The following FAM168A variants were observed in gnomAD, a reference collection of about 807,000 sequenced individuals.
FAM168A encodes the protein protein FAM168A.
FAM168A carries 3 observed loss-of-function variants against 28.5 expected under a neutral mutation model. That is an observed-to-expected ratio of 0.11 (90% confidence interval 0.05 to 0.27). The LOEUF is 0.27. FAM168A is among the 10% of genes least tolerant of loss of function. FAM168A has a pLI of 1.00. For synonymous variants in FAM168A, 122 were observed against 124.2 expected (o/e 0.98, Z 0.12); for missense variants, 222 against 311.5 (o/e 0.71, Z 2.16).
chr11:73,560,070 T>C (rs940242594), intron 1 of FAM168A, among the ~76,000 whole-genome samples: 2 of 152,036 alleles, frequency 1.3e-5, no homozygotes, highest in Middle Eastern at 3.2e-3. Context: ...TTTTTTCTTG[T>C]TGTTGTTTTC....
chr11:73,455,308 C>A (rs1867510171), intron 2 of FAM168A, among the ~76,000 whole-genome samples: 1 of 152,222 alleles, frequency 6.6e-6, no homozygotes, highest in African/African-American at 2.4e-5. Context: ...GCTCTAGTTC[C>A]TGCACTGGTT....
intron 1 of FAM168A, among the ~76,000 whole-genome samples, chr11:73,516,413 ATTG>A (rs1404980929): frequency 6.6e-6 from 1 of 152,212 alleles, no homozygotes; most frequent in African/African-American, 2.4e-5. Context: ...ATAAACTGAG[ATTG>A]TTAACAACAC....
intron 1 of FAM168A, among the ~76,000 whole-genome samples, chr11:73,582,152 T>TAG (rs1565307768): frequency 6.6e-6 from 1 of 152,182 alleles, no homozygotes; most frequent in Non-Finnish European, 1.5e-5. Flanking sequence ...AAATAATGCA[T>TAG]AGATGCATAA....
intron 1 of FAM168A, among the ~76,000 whole-genome samples, chr11:73,494,311 C>T (rs1294966398): frequency 1.3e-5 from 2 of 152,156 alleles, no homozygotes; most frequent in African/African-American, 4.8e-5. Context: ...CCTCAGGCCC[C>T]TAGAGTCCCA....
At chr11:73,511,714 T>C (rs1346639618) in intron 1 of FAM168A, among the ~76,000 whole-genome samples, 3 of 152,172 alleles carry the variant, frequency 2.0e-5, no homozygotes, top group African/African-American at 7.2e-5. Context: ...AGCTCAACTA[T>C]TTAATATCTA....
intron 4 of FAM168A, among the ~76,000 whole-genome samples, chr11:73,416,274 C>T (rs925232271): frequency 3.3e-5 from 5 of 152,178 alleles, no homozygotes; most frequent in Admixed American, 6.5e-5. Context: ...ACCTTTTCAG[C>T]GCTTTCTGCA....
chr11:73,562,626 A>G (rs189343838), intron 1 of FAM168A, among the ~76,000 whole-genome samples: 499 of 152,284 alleles, frequency 3.3e-3, no homozygotes, highest in Middle Eastern at 0.01. Context: ...GAGGAGATCA[A>G]GATCAACCTG....
intron 1 of FAM168A, among the ~76,000 whole-genome samples, chr11:73,489,587 T>A (rs1358038722): frequency 6.6e-6 from 1 of 150,688 alleles, no homozygotes; most frequent in African/African-American, 2.5e-5. Flanking sequence ...CACGGCTCAC[T>A]GTATCCTCAA....
At chr11:73,569,047 G>A (rs1301623861) in intron 1 of FAM168A, among the ~76,000 whole-genome samples, 1 of 152,116 alleles carries the variant, frequency 6.6e-6, no homozygotes, top group African/African-American at 2.4e-5. Context: ...GTTACAAAAT[G>A]CTTAAGTGTA....
At chr11:73,465,558 C>T (rs1867722126) in intron 2 of FAM168A, among the ~76,000 whole-genome samples, 1 of 77,954 alleles carries the variant, frequency 1.3e-5, no homozygotes, top group Non-Finnish European at 2.3e-5. Flanking sequence ...GGGTAGAAGT[C>T]CAAGATTAGG....
intron 1 of FAM168A, among the ~76,000 whole-genome samples, chr11:73,512,948 A>G (rs1177983389): frequency 1.3e-5 from 2 of 152,166 alleles, no homozygotes; most frequent in East Asian, 3.9e-4. Context: ...CATGGTCCAG[A>G]CACACTAGCA....
At chr11:73,496,086 CCGCA>C (rs1854867261) in intron 1 of FAM168A, among the ~76,000 whole-genome samples, 1 of 147,902 alleles carries the variant, frequency 6.8e-6, no homozygotes, top group African/African-American at 2.6e-5. Context: ...TACACACAAC[CCGCA>C]TACACACAAC....
At chr11:73,585,460 T>C (rs1944301412) in intron 1 of FAM168A, among the ~76,000 whole-genome samples, 3 of 152,200 alleles carry the variant, frequency 2.0e-5, no homozygotes, top group Admixed American at 2.0e-4. Context: ...ACAAAGTAGA[T>C]GCAGTATGTA....
chr11:73,477,718 T>C (rs1867907876), intron 1 of FAM168A, among the ~76,000 whole-genome samples: 1 of 152,148 alleles, frequency 6.6e-6, no homozygotes, highest in African/African-American at 2.4e-5. Context: ...CAACCAAGAA[T>C]TCTAAATCCA....
chr11:73,524,541 T>A (rs1473429481), intron 1 of FAM168A, among the ~76,000 whole-genome samples: 1 of 152,116 alleles, frequency 6.6e-6, no homozygotes, highest in African/African-American at 2.4e-5. Context: ...TTTCTACTTG[T>A]TTTCATTCTA....
At chr11:73,465,840 A>T (rs370291140) in intron 2 of FAM168A, among the ~76,000 whole-genome samples, 2 of 152,198 alleles carry the variant, frequency 1.3e-5, no homozygotes, top group East Asian at 3.8e-4. Flanking sequence ...CTCTGCCAAA[A>T]TATATAAGGA....
intron 1 of FAM168A, among the ~76,000 whole-genome samples, chr11:73,527,147 A>G (rs1257526872): frequency 6.6e-6 from 1 of 152,144 alleles, no homozygotes; most frequent in Non-Finnish European, 1.5e-5. Flanking sequence ...CAGAAATACA[A>G]AGTATTGGAG....
intron 1 of FAM168A, among the ~76,000 whole-genome samples, chr11:73,523,310 T>G (rs1028865319): frequency 6.6e-6 from 1 of 152,120 alleles, no homozygotes; most frequent in Non-Finnish European, 1.5e-5. Flanking sequence ...GGCATAATGA[T>G]CATTTATAAT....
At chr11:73,416,659 G>A (rs1457992576) in intron 4 of FAM168A, among the ~76,000 whole-genome samples, 2 of 152,128 alleles carry the variant, frequency 1.3e-5, no homozygotes, top group African/African-American at 4.8e-5. Flanking sequence ...TTAAAAAATG[G>A]CACAGGTTTA....
Sources: gnomAD v4.1 joint callset for allele counts (sites outside exome capture counted in the v4.1 genomes callset) on GRCh38, gnomAD v4.1.1 for gene constraint, MANE v1.5 for transcripts, NCBI Gene and HGNC (gene_info 2026-07-23, HGNC 2026-07-21) for gene names.